ATP9A: variants seen among roughly 807,000 people sequenced by gnomAD.
The protein encoded by ATP9A is ATPase phospholipid transporting 9A.
A neutral mutation model predicts 144.1 loss-of-function variants in ATP9A; 52 were observed. The observed-to-expected ratio is 0.36, with a 90% CI of 0.29 to 0.45. The LOEUF (loss-of-function observed/expected upper bound fraction) is 0.45, where lower values mean the gene tolerates loss of function less well. Among genes scored for constraint, ATP9A ranks in the 20% least tolerant of loss-of-function variants. The pLI, the probability that ATP9A is intolerant of heterozygous loss-of-function variation, is 1.00. For missense variants in ATP9A, 947 were observed against 1,392.7 expected (o/e 0.68, Z 5.09); for synonymous variants, 582 against 557.4 (o/e 1.04, Z -0.62).
At position 51,609,147 on chromosome 20, in the gene ATP9A, TGAGGGCGACGGAA is replaced by T. The variant is rs576943391; in HGVS notation, c.2637-534_2637-522del. 3.9e-4 allele frequency among the ~76,000 whole-genome samples: 60 copies of T among 152,130 alleles called. 2 individuals are homozygous for T. The South Asian group carries it at 8.1e-3, about 21-fold the overall frequency. On this transcript the variant is annotated intron_variant, in intron 24 of 27. Coordinates refer to ENST00000338821, the MANE Select transcript of ATP9A (RefSeq NM_006045.3). Reference sequence around the variant, plus strand: ...GCCATAAGGCCAGTGGGGCTGGGGCTGAGGGCGACGGAAGAGGAAATGAGGACCCACGGGAAAG... The same window carrying T: ...GCCATAAGGCCAGTGGGGCTGGGGCTGAGGAAATGAGGACCCACGGGAAAG...
chr20:51,712,085 T>C (rs1601120549), intron 4 of ATP9A, among the ~76,000 whole-genome samples: 4 of 149,494 alleles, frequency 2.7e-5, no homozygotes. Context: ...TTTTTTTTTT[T>C]TTTTTGAGAT....
At chr20:51,675,793 T>C (rs1361349513) in intron 10 of ATP9A, among the ~76,000 whole-genome samples, 3 of 151,666 alleles carry the variant, frequency 2.0e-5, no homozygotes, top group Non-Finnish European at 2.9e-5. Flanking sequence ...GTTGGGAGGA[T>C]TGCTTGAGCC....
rs6021373 is a variant in ATP9A at position 51,679,054 on chromosome 20, T to C, written c.800-2846A>G. On this transcript the variant is annotated intron_variant, in intron 9 of 27. Coordinates refer to ENST00000338821, the MANE Select transcript of ATP9A (RefSeq NM_006045.3). ...AAAAAAAAAATGAGGCCGGGCACGG[T>C]GGCTCATGCCTGTAATCCCATCACT... Among the ~76,000 whole-genome samples, 464 of 151,668 alleles carry C rather than the reference T, an allele frequency of 3.1e-3. 2 individuals are homozygous for C. Among genetic ancestry groups the C allele is most frequent in the African/African-American group, 0.011 (445 of 41,370 alleles).
rs568962020 is a variant in ATP9A, at chr20:51,673,404, AT to A, written c.1037+748del. ...TAAATAAATAAATAAATAACCATTT[AT>A]TCAACCTCCAAATCAGGTAGGCAAA... On this transcript the variant is annotated intron_variant, in intron 11 of 27. Transcript: ENST00000338821. Among the ~76,000 whole-genome samples, 8 of 152,302 alleles carry A rather than the reference AT, an allele frequency of 5.3e-5. 1 individual carries two copies. Among genetic ancestry groups the A allele is most frequent in the Admixed American group, 5.2e-4 (8 of 15,296 alleles).
intron 1 of ATP9A, among the ~76,000 whole-genome samples, chr20:51,736,355 G>C (rs1384962748): frequency 1.3e-5 from 2 of 152,174 alleles, no homozygotes; most frequent in Non-Finnish European, 2.9e-5. Context: ...AGAGTGGAAT[G>C]ATCTCATTTA....
At chr20:51,748,936 T>TAGACAGACAGACAGACAGAC (rs1218193799) in intron 1 of ATP9A, among the ~76,000 whole-genome samples, 2 of 128,518 alleles carry the variant, frequency 1.6e-5, no homozygotes, top group African/African-American at 6.1e-5. Flanking sequence ...GATAGATAGA[T>TAGACAGACAGACAGACAGAC]AGATAGATAG....
chr20:51,756,688 GC>G (rs2077857640), intron 1 of ATP9A, among the ~76,000 whole-genome samples: 1 of 152,048 alleles, frequency 6.6e-6, no homozygotes, highest in Non-Finnish European at 1.5e-5. Context: ...CTCTTTAAAG[GC>G]CCCCTGTCTC....
At chr20:51,621,453 T>C (rs2077226663) in intron 19 of ATP9A, among the ~76,000 whole-genome samples, 1 of 152,062 alleles carries the variant, frequency 6.6e-6, no homozygotes, top group South Asian at 2.1e-4. Flanking sequence ...GATTACTATA[T>C]CCTGCCCCAA....
chr20:51,605,285 G>A (rs989246773), intron 26 of ATP9A, among the ~76,000 whole-genome samples: 5 of 152,222 alleles, frequency 3.3e-5, no homozygotes, highest in Non-Finnish European at 5.9e-5. Context: ...AGTATCTAGA[G>A]TTGATGAAAG....
intron 9 of ATP9A, among the ~76,000 whole-genome samples, chr20:51,687,775 A>AG (rs113719960): frequency 6.8e-6 from 1 of 147,460 alleles, no homozygotes; most frequent in Admixed American, 6.8e-5. Flanking sequence ...AAAAAAAAAA[A>AG]AATGAATGAA....
chr20:51,704,303 C>A (rs1013776654), intron 4 of ATP9A, among the ~76,000 whole-genome samples: 1 of 150,480 alleles, frequency 6.6e-6, no homozygotes, highest in African/African-American at 2.4e-5. Context: ...ATGAAGTAGA[C>A]GAACACCCTT....
At chr20:51,760,967 G>A (rs933821734) in intron 1 of ATP9A, among the ~76,000 whole-genome samples, 7 of 152,258 alleles carry the variant, frequency 4.6e-5, no homozygotes, top group Non-Finnish European at 8.8e-5. Flanking sequence ...GGCAGAGGTT[G>A]CAGTGAGCCG....
intron 14 of ATP9A, among the ~76,000 whole-genome samples, chr20:51,640,753 G>A (rs1341130326): frequency 2.0e-5 from 3 of 152,162 alleles, no homozygotes; most frequent in Non-Finnish European, 4.4e-5. Flanking sequence ...TAGCAAAGAG[G>A]GCTGAGTGGG....
At chr20:51,734,445 A>C (rs1000853146) in intron 1 of ATP9A, 2 of 152,218 alleles carry the variant, frequency 1.3e-5, no homozygotes, top group African/African-American at 2.4e-5. Context: ...AACAGGGATA[A>C]GCCATAAATG....
intron 3 of ATP9A, among the ~76,000 whole-genome samples, chr20:51,725,451 T>C (rs2122867784): frequency 6.6e-6 from 1 of 152,276 alleles, no homozygotes; most frequent in East Asian, 1.9e-4. Flanking sequence ...ATTTTGGATT[T>C]GGGATGCTCA....
rs769852592 is a variant in ATP9A at position 51,689,058 on chromosome 20, C to T, written c.799+6G>A. 9.9e-6 allele frequency: 16 copies of T among 1,613,716 alleles called. No individual in the cohort carries two copies. The highest frequency in any genetic ancestry group is 6.7e-5 in the African/African-American group (5 of 74,904). On this transcript the variant is annotated splice_donor_region_variant and intron_variant, in intron 9 of 27. Coordinates refer to ENST00000338821, the MANE Select transcript of ATP9A (RefSeq NM_006045.3). ...TGCTACCACATTCCTCAAAACGGCG[C>T]CTCACCTGATGCGACCACAGTGCCA... is the stretch of plus-strand genomic sequence containing the variant.
Position 51,742,682 on chromosome 20 carries a change from CTT to C in ATP9A, c.69-12706_69-12705del, listed in dbSNP as rs536613474. The stretch of plus-strand genomic sequence containing the variant: ...GGTGTGCACCACCACGCCCAGCTAA[CTT>C]TTGTATTTTTAGTAGAGACGGCGTT... On this transcript the variant is annotated intron_variant, in intron 1 of 27. Transcript: ENST00000338821. Among the ~76,000 whole-genome samples, 10 of 152,000 alleles carry C rather than the reference CTT, an allele frequency of 6.6e-5. No homozygotes were observed. In the South Asian group the frequency reaches 2.1e-3, roughly 32 times the overall value.
At chr20:51,760,725 C>CA (rs397864467) in intron 1 of ATP9A, among the ~76,000 whole-genome samples, 63,623 of 105,104 alleles carry the variant, frequency 0.61, 18,519 homozygotes, top group African/African-American at 0.73. Context: ...GACTCCGTCT[C>CA]AAAAAAAAAA....
Position 51,619,051 on chromosome 20 carries a change from G to A in ATP9A, c.2116-8C>T, listed in dbSNP as rs1236915642. 1.2e-6 allele frequency: 2 copies of A among 1,611,104 alleles called. No homozygotes were observed. The highest frequency in any genetic ancestry group is 1.7e-6 in the Non-Finnish European group (2 of 1,177,400). On this transcript the variant is annotated splice_region_variant and splice_polypyrimidine_tract_variant and intron_variant, in intron 19 of 27. Transcript: ENST00000338821. Reference sequence around the variant, plus strand: ...CTCCCCGCGGTTGGTCACCTGGAAGGGAACAGAGATGGGGAAGGAGGCATT... The same window carrying A: ...CTCCCCGCGGTTGGTCACCTGGAAGAGAACAGAGATGGGGAAGGAGGCATT...
Sources: gnomAD v4.1 joint callset for allele counts (sites outside exome capture counted in the v4.1 genomes callset) on GRCh38, gnomAD v4.1.1 for gene constraint, MANE v1.5 for transcripts, NCBI Gene and HGNC (gene_info 2026-07-23, HGNC 2026-07-21) for gene names.